The following SFXN5 variants were observed in gnomAD, a reference collection of about 807,000 sequenced individuals.
The protein encoded by SFXN5 is sideroflexin-5.
In SFXN5, 43 loss-of-function variants were observed where a neutral mutation model predicts 50.2. The observed-to-expected ratio is 0.86, with a 90% CI of 0.67 to 1.11. The LOEUF (loss-of-function observed/expected upper bound fraction) is 1.11, where lower values mean the gene tolerates loss of function less well. Among genes scored for constraint, SFXN5 ranks in the 50% least tolerant of loss-of-function variants. The probability of loss-of-function intolerance (pLI) is 0.00; values close to 1 mark genes in which losing one functional copy is unlikely to be tolerated. For missense variants in SFXN5, 463 were observed against 454.1 expected, an observed-to-expected ratio of 1.02 and a Z score of -0.18; for synonymous variants, 203 against 185.8, an observed-to-expected ratio of 1.09 and a Z score of -0.75.
intron 1 of SFXN5, 118 bp downstream of exon 1, chr2:73,071,486 G>C: frequency 1.1e-6 from 1 of 887,050 alleles, no homozygotes; most frequent in Non-Finnish European, 1.7e-6. Context: ...CCTGGCGCTA[G>C]CTGCAGGCTC....
chr2:73,008,548 G>C (rs1034949856), intron 6 of SFXN5, among the ~76,000 whole-genome samples: 2 of 152,222 alleles, frequency 1.3e-5, no homozygotes, highest in Non-Finnish European at 2.9e-5. Flanking sequence ...ACGAGGGCCG[G>C]ACCACCAGGG....
At chr2:72,998,792 C>T (rs2105673469) in intron 9 of SFXN5, 157 bp downstream of exon 9, 1 of 723,648 alleles carries the variant, frequency 1.4e-6, no homozygotes, top group African/African-American at 1.8e-5. Context: ...GGAGCCTCTT[C>T]TCGGCTTGGA....
chr2:72,956,536 G>A (rs558544956), intron 13 of SFXN5, among the ~76,000 whole-genome samples: 1 of 152,296 alleles, frequency 6.6e-6, no homozygotes, highest in South Asian at 2.1e-4. Context: ...GGGCTGGGGA[G>A]GGTCACAGAA....
At chr2:73,067,073 TGATTTTA>T (rs141546506) in intron 1 of SFXN5, among the ~76,000 whole-genome samples, 7,022 of 152,042 alleles carry the variant, frequency 0.046, 426 homozygotes, top group African/African-American at 0.14. Context: ...AAACAAATAA[TGATTTTA>T]GGTGTGTTAA....
intron 12 of SFXN5, among the ~76,000 whole-genome samples, chr2:72,966,319 C>T (rs1559096750): frequency 6.6e-6 from 1 of 152,170 alleles, no homozygotes; most frequent in East Asian, 1.9e-4. Context: ...CTTCAGAATT[C>T]CAAGGTTCAA....
At position 72,968,382 on chromosome 2, in the gene SFXN5, C is replaced by T. The variant is rs931343950; in HGVS notation, c.827+66G>A. 1.1e-5 allele frequency: 17 copies of T among 1,484,462 alleles called. No homozygotes were observed. The Admixed American group carries it at 1.6e-4, about 14-fold the overall frequency. The allele number at this position is 1,484,462 out of a possible 1,614,324, so 92.0% of individuals were successfully genotyped here. On this transcript the variant is annotated intron_variant, in intron 12 of 13. Transcript: ENST00000272433. ...CCCCTCATCTCTTGCCTGGGCCAGC[C>T]GGTTCCCCCTCCCTCTCCCCCTCCT... is the stretch of plus-strand genomic sequence containing the variant.
chr2:72,986,694 ACTC>A (rs1056999844), intron 10 of SFXN5, among the ~76,000 whole-genome samples: 3 of 151,102 alleles, frequency 2.0e-5, no homozygotes, highest in Non-Finnish European at 2.9e-5. Context: ...AGTTTTAAAA[ACTC>A]CTTCCACTAT....
intron 2 of SFXN5, among the ~76,000 whole-genome samples, chr2:73,047,562 T>C (rs1159301111): frequency 1.3e-5 from 2 of 151,698 alleles, no homozygotes; most frequent in Non-Finnish European, 2.9e-5. Context: ...ATTTCCCCCA[T>C]ACTGTTCTCA....
At chr2:73,022,118 G>A (rs1306889778) in intron 5 of SFXN5, among the ~76,000 whole-genome samples, 1 of 152,218 alleles carries the variant, frequency 6.6e-6, no homozygotes, top group Non-Finnish European at 1.5e-5. Flanking sequence ...AAAGGGGCAG[G>A]GCAGGGAGCA....
rs1304769037 is a variant in SFXN5 at position 72,953,692 on chromosome 2, T to TG, written c.945+7438dup. 6.6e-6 allele frequency among the ~76,000 whole-genome samples: 1 copy of TG among 152,160 alleles called. No individual in the cohort carries two copies. On this transcript the variant is annotated intron_variant, in intron 13 of 13. Transcript: ENST00000272433. The surrounding 1 kb of genome is among the most constrained non-coding windows in gnomAD (Gnocchi z 4.1). The stretch of plus-strand genomic sequence containing the variant: ...ACAGGTGAGGTGAGACAGATCTTAG[T>TG]GGGGAAGATCAGGGAGGACTTCCTG...
chr2:73,065,589 G>A (rs1683115969), intron 1 of SFXN5, among the ~76,000 whole-genome samples: 1 of 152,148 alleles, frequency 6.6e-6, no homozygotes, highest in African/African-American at 2.4e-5. Context: ...TAGAGACAGG[G>A]TTTTGCCATG....
chr2:72,969,944 C>T (rs1156468252), intron 11 of SFXN5, among the ~76,000 whole-genome samples: 1 of 152,130 alleles, frequency 6.6e-6, no homozygotes, highest in Non-Finnish European at 1.5e-5. Context: ...GCTCCGACAG[C>T]CACTGTGGTA....
intron 2 of SFXN5, among the ~76,000 whole-genome samples, chr2:73,050,427 CAG>C (rs1414414425): frequency 2.0e-5 from 3 of 152,020 alleles, no homozygotes; most frequent in Non-Finnish European, 4.4e-5. Context: ...CACACCCCTG[CAG>C]AGTTAGCACC....
In SFXN5 at chr2:72,943,693, C is replaced by A. The variant is rs546626423; in HGVS notation, c.*1329G>T. ...GTGTTTGGCAAAGGTCAACTGCTCC[C>A]GGGATATGGAGTCACATACACAAGG... On this transcript the variant is annotated 3_prime_UTR_variant, in exon 14 of 14. Transcript: ENST00000272433. 6.5e-6 allele frequency: 1 copy of A among 152,964 alleles called. No homozygotes were observed. The highest frequency in any genetic ancestry group is 2.4e-5 in the African/African-American group (1 of 41,592). 9.5% of individuals were successfully genotyped at this position (152,964 alleles called of 1,614,324 possible). A position where few individuals can be genotyped will look rare whatever the true frequency, so the allele number is the denominator to read the frequency against.
intron 11 of SFXN5, among the ~76,000 whole-genome samples, chr2:72,971,318 A>C (rs1417568343): frequency 1.3e-5 from 2 of 151,988 alleles, no homozygotes; most frequent in African/African-American, 4.8e-5. Flanking sequence ...GACAAGCAAG[A>C]AGCTGGGTCC....
rs961237750 is a variant in SFXN5 at position 72,973,705 on chromosome 2, G to C, written c.626-2020C>G. ...CCATATCTCTCCCGCCTCAGCCCCA[G>C]GCGCCCAGGGCTCAGGGCCCAGAAG... On this transcript the variant is annotated intron_variant, in intron 10 of 13. Transcript: ENST00000272433. This position sits in a 1 kb window ranked among gnomAD's most constrained non-coding sequence, Gnocchi z 5.5. Among the ~76,000 whole-genome samples the C allele has an allele frequency of 4.6e-5, 7 of 152,204 alleles. No homozygotes were observed. Among genetic ancestry groups the C allele is most frequent in the African/African-American group, 1.7e-4 (7 of 41,460 alleles).
chr2:72,977,731 T>C (rs886323282), intron 10 of SFXN5, among the ~76,000 whole-genome samples: 3 of 152,126 alleles, frequency 2.0e-5, no homozygotes, highest in Admixed American at 6.5e-5. Context: ...TCCCAGCACT[T>C]TGGGAGGCCG....
intron 6 of SFXN5, 83 bp from the exon 7 acceptor site, chr2:73,001,661 T>C (rs1673933293): frequency 1.5e-6 from 2 of 1,310,262 alleles, no homozygotes; most frequent in Non-Finnish European, 2.2e-6. Flanking sequence ...CTACCACAAA[T>C]GAGTGAGCTG....
chr2:73,048,089 G>T (rs1383486863), intron 2 of SFXN5, among the ~76,000 whole-genome samples: 1 of 152,116 alleles, frequency 6.6e-6, no homozygotes, highest in Non-Finnish European at 1.5e-5. Flanking sequence ...TGCATACCAT[G>T]GATATCCATT....
Sources: gnomAD v4.1 joint callset for allele counts (sites outside exome capture counted in the v4.1 genomes callset) on GRCh38, gnomAD v4.1.1 for gene constraint, Gnocchi (gnomAD v3.1) non-coding constraint, MANE v1.5 for transcripts, NCBI Gene and HGNC (gene_info 2026-07-23, HGNC 2026-07-21) for gene names.